CNTNAP2: variants seen among roughly 807,000 people sequenced by gnomAD.
The protein encoded by CNTNAP2 is contactin associated protein 2, also known as contactin-associated protein-like 2.
In CNTNAP2, 98 loss-of-function variants were observed where a neutral mutation model predicts 155.2. The observed-to-expected ratio is 0.63, with a 90% CI of 0.54 to 0.75. The LOEUF (loss-of-function observed/expected upper bound fraction) is 0.75. Ranked by LOEUF, CNTNAP2 falls within the 30% of genes least tolerant of loss-of-function variation. CNTNAP2 has a pLI of 0.00. For missense variants in CNTNAP2, 1,727 were observed against 1,688.1 expected (o/e 1.02, Z -0.40); for synonymous variants, 651 against 631.2 (o/e 1.03, Z -0.47).
At chr7:147,035,366 C>T (rs373855256) in intron 3 of CNTNAP2, among the ~76,000 whole-genome samples, 3 of 152,256 alleles carry the variant, frequency 2.0e-5, no homozygotes, top group South Asian at 4.1e-4. Context: ...ACATCAAGGC[C>T]GCAAAATGGA....
intron 1 of CNTNAP2, among the ~76,000 whole-genome samples, chr7:146,665,783 T>TAAAAAAAAAAAAACA (rs1800180443): frequency 4.1e-5 from 2 of 48,282 alleles, no homozygotes; most frequent in Admixed American, 1.6e-4. Flanking sequence ...TCTGTCTCAT[T>TAAAAAAAAAAAAACA]AAAAAAAAAA....
intron 1 of CNTNAP2, among the ~76,000 whole-genome samples, chr7:146,131,930 CCTGCCACCTTGTGAAGAAGGTGT>C (rs879672595): frequency 2.6e-5 from 4 of 152,270 alleles, no homozygotes; most frequent in Non-Finnish European, 5.9e-5. Context: ...TTTACTCTCT[CCTGCCACCTTGTGAAGAAGGTGT>C]CTGCTTTCCT....
intron 2 of CNTNAP2, among the ~76,000 whole-genome samples, chr7:146,826,853 T>G (rs77126220): frequency 0.23 from 31,690 of 140,146 alleles, 3,763 homozygotes; most frequent in Non-Finnish European, 0.27. Flanking sequence ...TATATATATA[T>G]ATATAGAGAG....
chr7:148,138,157 C>A (rs142985741), intron 16 of CNTNAP2, among the ~76,000 whole-genome samples: 1 of 152,326 alleles, frequency 6.6e-6, no homozygotes, highest in Non-Finnish European at 1.5e-5. Flanking sequence ...AAAGCTCTCA[C>A]TAGCAAGCAT....
At chr7:147,763,239 A>G (rs1257478292) in intron 13 of CNTNAP2, among the ~76,000 whole-genome samples, 1 of 149,942 alleles carries the variant, frequency 6.7e-6, no homozygotes, top group Admixed American at 6.7e-5. Flanking sequence ...AGCCTGGGCA[A>G]CAAGAGCAGA....
At chr7:148,135,786 T>A (rs1029661580) in intron 16 of CNTNAP2, among the ~76,000 whole-genome samples, 22 of 138,212 alleles carry the variant, frequency 1.6e-4, no homozygotes, top group Non-Finnish European at 2.8e-4. Flanking sequence ...GAGGGGGAGG[T>A]TGCAGTGAGC....
chr7:147,411,632 T>C (rs1797104031), intron 10 of CNTNAP2, among the ~76,000 whole-genome samples: 1 of 152,218 alleles, frequency 6.6e-6, no homozygotes, highest in Admixed American at 6.5e-5. Context: ...TCCAGAAATT[T>C]CATCTGATTT....
intron 10 of CNTNAP2, among the ~76,000 whole-genome samples, chr7:147,474,351 T>A (rs1469125203): frequency 1.3e-5 from 2 of 152,054 alleles, no homozygotes; most frequent in African/African-American, 4.8e-5. Flanking sequence ...CCCAACACTT[T>A]GGGAGGCCAA....
chr7:147,595,962 G>A (rs967476858), intron 12 of CNTNAP2, among the ~76,000 whole-genome samples: 1 of 152,076 alleles, frequency 6.6e-6, no homozygotes, highest in African/African-American at 2.4e-5. Context: ...TTTTGTTTTT[G>A]TTTTTGATTT....
chr7:147,312,586 T>C (rs1795147038), intron 9 of CNTNAP2, among the ~76,000 whole-genome samples: 1 of 114,566 alleles, frequency 8.7e-6, no homozygotes, highest in Admixed American at 9.1e-5. Flanking sequence ...ACAAAGGACA[T>C]GAACTCATCA....
At chr7:147,686,508 G>A (rs1357929306) in intron 13 of CNTNAP2, among the ~76,000 whole-genome samples, 1 of 151,972 alleles carries the variant, frequency 6.6e-6, no homozygotes, top group African/African-American at 2.4e-5. Context: ...TTGTCAGTGT[G>A]GAATTGGTAT....
In CNTNAP2 at chr7:148,019,972, A is replaced by G. The variant is rs995346289; in HGVS notation, c.2383+41983A>G. The stretch of plus-strand genomic sequence containing the variant: ...GCTAATTTCTGTATTTTTAGTAGAG[A>G]CAGGGTTTCACCATGTTGGTCAGTC... On this transcript the variant is annotated intron_variant, in intron 15 of 23. Transcript: ENST00000361727. 3.3e-5 allele frequency among the ~76,000 whole-genome samples: 5 copies of G among 152,230 alleles called. No homozygotes were observed. The South Asian group carries it at 1.0e-3, about 32-fold the overall frequency.
At chr7:146,800,969 G>T (rs576971934) in intron 2 of CNTNAP2, among the ~76,000 whole-genome samples, 1 of 152,216 alleles carries the variant, frequency 6.6e-6, no homozygotes, top group African/African-American at 2.4e-5. Context: ...AGAATAAGGA[G>T]AGTCTGAATT....
chr7:146,190,459 C>T (rs965136823), intron 1 of CNTNAP2, among the ~76,000 whole-genome samples: 1 of 152,138 alleles, frequency 6.6e-6, no homozygotes, highest in East Asian at 1.9e-4. Flanking sequence ...ATGGCTCTAC[C>T]ACATCAACAA....
intron 1 of CNTNAP2, among the ~76,000 whole-genome samples, chr7:146,447,306 C>A (rs1370071474): frequency 6.6e-6 from 1 of 152,008 alleles, no homozygotes; most frequent in Non-Finnish European, 1.5e-5. Context: ...TTTATTGTCT[C>A]AATAACTAGC....
chr7:148,299,030 G>A (rs922431579), intron 21 of CNTNAP2, among the ~76,000 whole-genome samples: 9 of 147,868 alleles, frequency 6.1e-5, no homozygotes, highest in Non-Finnish European at 1.2e-4. Context: ...TTGCTCTGTC[G>A]CCTAGGCTGG....
intron 1 of CNTNAP2, among the ~76,000 whole-genome samples, chr7:146,475,120 A>G (rs895529718): frequency 2.6e-5 from 4 of 151,212 alleles, no homozygotes; most frequent in African/African-American, 7.3e-5. Context: ...TGCAGACTGG[A>G]TGTCAAAAAA....
At chr7:148,129,852 C>T (rs1804791592) in intron 16 of CNTNAP2, among the ~76,000 whole-genome samples, 1 of 152,270 alleles carries the variant, frequency 6.6e-6, no homozygotes, top group Non-Finnish European at 1.5e-5. Context: ...AGTGAACTCA[C>T]AGCCAAGCAG....
intron 8 of CNTNAP2, among the ~76,000 whole-genome samples, chr7:147,187,638 A>T (rs1802594186): frequency 6.6e-6 from 1 of 152,130 alleles, no homozygotes; most frequent in Admixed American, 6.6e-5. Context: ...AGGGCTGAAA[A>T]ACTGCCTATT....
Sources: allele counts gnomAD v4.1 joint callset (sites outside exome capture counted in the v4.1 genomes callset), GRCh38; gene constraint gnomAD v4.1.1; transcripts MANE v1.5; gene names NCBI Gene and HGNC (gene_info 2026-07-23, HGNC 2026-07-21).